The following CCSER1 variants were observed in gnomAD, a reference collection of about 807,000 sequenced individuals.
The protein encoded by CCSER1 is coiled-coil serine rich protein 1, also known as serine-rich coiled-coil domain-containing protein 1.
A neutral mutation model predicts 82.0 loss-of-function variants in CCSER1; 41 were observed. The observed-to-expected ratio is 0.50, with a 90% CI of 0.39 to 0.65. The LOEUF (loss-of-function observed/expected upper bound fraction) is 0.65, where lower values mean the gene tolerates loss of function less well. CCSER1 is among the 30% of genes least tolerant of loss of function. The probability of loss-of-function intolerance (pLI) is 0.00; values close to 1 mark genes in which losing one functional copy is unlikely to be tolerated. For synonymous variants in CCSER1, 414 were observed against 383.9 expected (o/e 1.08, Z -0.92); for missense variants, 1,119 against 1,064.2 (o/e 1.05, Z -0.72).
chr4:91,417,762 G>A (rs1753452690), intron 10 of CCSER1, among the ~76,000 whole-genome samples: 2 of 151,408 alleles, frequency 1.3e-5, no homozygotes, highest in African/African-American at 4.9e-5. Flanking sequence ...TAGGTGATGG[G>A]CTGATCTGTG....
intron 8 of CCSER1, among the ~76,000 whole-genome samples, chr4:90,903,154 G>T (rs1165216397): frequency 1.3e-5 from 2 of 152,018 alleles, no homozygotes; most frequent in Non-Finnish European, 2.9e-5. Flanking sequence ...ATATGGTTTG[G>T]CTGTGTCCCT....
intron 1 of CCSER1, among the ~76,000 whole-genome samples, chr4:90,295,476 C>T (rs763444378): frequency 1.3e-5 from 2 of 151,572 alleles, no homozygotes; most frequent in South Asian, 2.1e-4. Context: ...TTCTTTGCTC[C>T]CTTTTATTCT....
chr4:90,495,622 T>TAA (rs1435014569), intron 5 of CCSER1, among the ~76,000 whole-genome samples: 12 of 152,212 alleles, frequency 7.9e-5, no homozygotes, highest in Non-Finnish European at 1.5e-4. Flanking sequence ...TATGGATACT[T>TAA]AAAGAAATTG....
intron 10 of CCSER1, among the ~76,000 whole-genome samples, chr4:91,237,277 C>A (rs184254400): frequency 4.0e-4 from 60 of 151,682 alleles, no homozygotes; most frequent in Admixed American, 7.9e-4. Context: ...AAGAAAGATA[C>A]TTAGACATCT....
chr4:91,180,167 G>T (rs1211916923), intron 10 of CCSER1, among the ~76,000 whole-genome samples: 1 of 152,156 alleles, frequency 6.6e-6, no homozygotes. Context: ...TCCTTCCTCT[G>T]AAAGCTTCGT....
At chr4:91,238,076 C>T (rs1301658255) in intron 10 of CCSER1, among the ~76,000 whole-genome samples, 1 of 152,138 alleles carries the variant, frequency 6.6e-6, no homozygotes, top group Non-Finnish European at 1.5e-5. Flanking sequence ...CCCAATGACC[C>T]ATTCTTTATA....
At chr4:91,514,980 A>G (rs80345008) in intron 10 of CCSER1, among the ~76,000 whole-genome samples, 1 of 152,102 alleles carries the variant, frequency 6.6e-6, no homozygotes, top group Non-Finnish European at 1.5e-5. Flanking sequence ...TATTCTACTG[A>G]TTTACAGGTT....
At chr4:90,756,568 C>CT (rs1749569344) in intron 7 of CCSER1, among the ~76,000 whole-genome samples, 1 of 152,102 alleles carries the variant, frequency 6.6e-6, no homozygotes, top group Admixed American at 6.6e-5. Context: ...TATAATATGT[C>CT]TGATTATTAC....
At chr4:91,103,816 A>T (rs191518760) in intron 10 of CCSER1, among the ~76,000 whole-genome samples, 1 of 152,148 alleles carries the variant, frequency 6.6e-6, no homozygotes, top group Non-Finnish European at 1.5e-5. Flanking sequence ...TTTTTAGGGA[A>T]CAAGGAAAGA....
intron 10 of CCSER1, among the ~76,000 whole-genome samples, chr4:91,446,429 A>G (rs1755556854): frequency 6.6e-6 from 1 of 151,852 alleles, no homozygotes. Context: ...GTGCTCTAGA[A>G]ATACTATACT....
chr4:91,007,136 A>G (rs1452484033), intron 9 of CCSER1, among the ~76,000 whole-genome samples: 1 of 152,050 alleles, frequency 6.6e-6, no homozygotes, highest in Non-Finnish European at 1.5e-5. Context: ...TTGTTGTGGG[A>G]CTTTTTTACT....
chr4:90,403,583 C>T (rs1561173598), intron 4 of CCSER1, among the ~76,000 whole-genome samples: 1 of 150,228 alleles, frequency 6.7e-6, no homozygotes, highest in Non-Finnish European at 1.5e-5. Flanking sequence ...AAAATCACAG[C>T]ATTAAACATT....
At chr4:90,942,693 G>T (rs2150332093) in intron 9 of CCSER1, among the ~76,000 whole-genome samples, 1 of 151,690 alleles carries the variant, frequency 6.6e-6, no homozygotes, top group East Asian at 1.9e-4. Context: ...TTGATACAGA[G>T]GAGAAAATAT....
intron 7 of CCSER1, among the ~76,000 whole-genome samples, chr4:90,799,542 C>T (rs2149693857): frequency 6.6e-6 from 1 of 152,190 alleles, no homozygotes; most frequent in East Asian, 1.9e-4. Context: ...GCTATGGGCT[C>T]CCAAGTAACC....
At chr4:90,559,254 G>A (rs1194397705) in intron 5 of CCSER1, among the ~76,000 whole-genome samples, 1 of 152,040 alleles carries the variant, frequency 6.6e-6, no homozygotes, top group African/African-American at 2.4e-5. Flanking sequence ...TTTTTTTATA[G>A]GTTCTAATTC....
chr4:91,497,322 T>C (rs879698887), intron 10 of CCSER1, among the ~76,000 whole-genome samples: 5 of 151,766 alleles, frequency 3.3e-5, no homozygotes, highest in Non-Finnish European at 5.9e-5. Flanking sequence ...CAAGTCTTAG[T>C]ACAGTTCTAA....
At chr4:91,305,345 T>G (rs1744974475) in intron 10 of CCSER1, among the ~76,000 whole-genome samples, 1 of 152,078 alleles carries the variant, frequency 6.6e-6, no homozygotes, top group Non-Finnish European at 1.5e-5. Flanking sequence ...CCATTTGGTA[T>G]GCAAAATATT....
rs1329844562 is a variant in CCSER1 at position 91,353,310 on chromosome 4, A to AG, written c.2218-245258dup. Among the ~76,000 whole-genome samples the AG allele has an allele frequency of 2.6e-5, 4 of 151,592 alleles. No homozygotes were observed. In the East Asian group the frequency reaches 7.8e-4, roughly 29 times the overall value. ...GGGTCGTGATTGATTTGGGCAAGCA[A>AG]GGGGTCCGTGACGGGCTGCATGCAC... On this transcript the variant is annotated intron_variant, in intron 10 of 10. Coordinates refer to ENST00000509176, the MANE Select transcript of CCSER1 (RefSeq NM_001145065.2).
At chr4:91,085,577 C>T (rs997979859) in intron 9 of CCSER1, among the ~76,000 whole-genome samples, 3 of 151,986 alleles carry the variant, frequency 2.0e-5, no homozygotes, top group Admixed American at 6.6e-5. Flanking sequence ...TTTGTTTGGG[C>T]GCTGAGATCT....
Sources: allele counts gnomAD v4.1 joint callset (sites outside exome capture counted in the v4.1 genomes callset), GRCh38; gene constraint gnomAD v4.1.1; transcripts MANE v1.5; gene names NCBI Gene and HGNC (gene_info 2026-07-23, HGNC 2026-07-21).